Variants in ZNF560 observed in about 807,000 individuals in gnomAD.
ZNF560 encodes zinc finger protein 560.
In ZNF560, 54 loss-of-function variants were observed where a neutral mutation model predicts 81.8. The observed-to-expected ratio is 0.66, with a 90% confidence interval of 0.53 to 0.83. The LOEUF (loss-of-function observed/expected upper bound fraction) is 0.83, where lower values mean the gene tolerates loss of function less well. Among genes scored for constraint, ZNF560 ranks in the 40% least tolerant of loss-of-function variants. The probability of loss-of-function intolerance (pLI) is 0.00; values close to 1 mark genes in which losing one functional copy is unlikely to be tolerated. For missense variants in ZNF560, 940 were observed against 932.4 expected, an observed-to-expected ratio of 1.01 and a Z score of -0.11; for synonymous variants, 321 against 317.9, an observed-to-expected ratio of 1.01 and a Z score of -0.10.
At position 9,466,915 on chromosome 19, in the gene ZNF560, G is replaced by A. The variant is rs1193244912; in HGVS notation, c.2032C>T (p.His678Tyr). The A allele has an allele frequency of 3.1e-6, 5 of 1,613,972 alleles. No individual in the cohort carries two copies. In the African/African-American group the frequency reaches 4.0e-5, roughly 13 times the overall value. The change falls in exon 10 of 10, where the codon CAT (histidine) becomes TAT (tyrosine). Residue 678 changes from histidine to tyrosine, a missense_variant. His to Tyr is a moderately conservative substitution (Grantham distance 83, BLOSUM62 2). Transcript: ENST00000301480. ...SCVLTQHLKTHAAEKTSECNA... is the reference protein window; with the variant it reads ...SCVLTQHLKTYAAEKTSECNA... Reference sequence around the variant, plus strand: ...CATTCAGAGGTCTTCTCTGCTGCATGAGTTTTTAAGTGTTGAGTTAGTACA... The same window carrying A: ...CATTCAGAGGTCTTCTCTGCTGCATAAGTTTTTAAGTGTTGAGTTAGTACA...
intron 2 of ZNF560, among the ~76,000 whole-genome samples, chr19:9,479,097 G>C (rs928509460): frequency 6.6e-6 from 1 of 151,614 alleles, no homozygotes; most frequent in Non-Finnish European, 1.5e-5. Flanking sequence ...ATGGGCAGGA[G>C]AATCGCTTGA....
chr19:9,451,447 T>A, the ZNF560 span, among the ~76,000 whole-genome samples: 1 of 152,186 alleles, frequency 6.6e-6, no homozygotes, highest in African/African-American at 2.4e-5. Context: ...GATCCCTACC[T>A]TTCACCATAT....
chr19:9,455,248 G>A, the ZNF560 span, among the ~76,000 whole-genome samples: 7 of 152,122 alleles, frequency 4.6e-5, no homozygotes, highest in African/African-American at 9.7e-5. Context: ...TATGGACCAC[G>A]TTCTCCTTTC....
intron 2 of ZNF560, among the ~76,000 whole-genome samples, chr19:9,495,542 CA>C (rs35719969): frequency 6.6e-6 from 1 of 151,882 alleles, no homozygotes; most frequent in Non-Finnish European, 1.5e-5. Flanking sequence ...CGCATCTCTA[CA>C]AAAAAATACC....
At chr19:9,478,986 C>T (rs530939296) in intron 2 of ZNF560, among the ~76,000 whole-genome samples, 7 of 152,086 alleles carry the variant, frequency 4.6e-5, no homozygotes, top group African/African-American at 7.2e-5. Context: ...GCCAACATGG[C>T]GAAACCTTGC....
Position 9,473,178 on chromosome 19 carries a change from C to A in ZNF560, c.238+1G>T. The A allele has an allele frequency of 6.2e-7, 1 of 1,613,602 alleles. No homozygotes were observed. Among genetic ancestry groups the A allele is most frequent in the Non-Finnish European group, 8.5e-7 (1 of 1,179,534 alleles). ...CAAGGTTGTTCTTCACAAATACTCA[C>A]CTTGGAGAACTCCTTGCTGCAAGGT... On this transcript the variant is annotated splice_donor_variant, in intron 5 of 9. Transcript: ENST00000301480. LOFTEE classifies it high-confidence loss of function.
chr19:9,469,166 G>A lies in ZNF560; in HGVS notation c.551C>T (p.Thr184Ile). The change falls in exon 9 of 10, where the codon ACC becomes ATC. Residue 184 changes from threonine (T) to isoleucine (I), a missense_variant. Transcript: ENST00000301480. Reference sequence around the variant, plus strand: ...ATCTTGCCAAAGGGCTGGCCCTTTGGTTTTCAGGCACATTTTCCATTCTGA... The same window carrying A: ...ATCTTGCCAAAGGGCTGGCCCTTTGATTTTCAGGCACATTTTCCATTCTGA... ...VLQEWKMCLK[T>I]KGPALWQDNF... 6.3e-7 allele frequency: 1 copy of A among 1,596,166 alleles called. No homozygotes were observed.
the ZNF560 span, among the ~76,000 whole-genome samples, chr19:9,456,837 A>G: frequency 6.6e-6 from 1 of 152,200 alleles, no homozygotes; most frequent in Admixed American, 6.5e-5. Flanking sequence ...TGGGGAGCAC[A>G]AGTTCTAATT....
At position 9,471,424 on chromosome 19, in the gene ZNF560, AAG is replaced by A. The variant is rs747670294; in HGVS notation, c.239-48_239-47del. 4.3e-5 allele frequency: 56 copies of A among 1,309,980 alleles called. 1 individual carries two copies. The African/African-American group carries it at 8.1e-4, about 19-fold the overall frequency. The allele number at this position is 1,309,980 out of a possible 1,614,324, so 81.1% of individuals were successfully genotyped here. On this transcript the variant is annotated intron_variant, in intron 5 of 9. Coordinates refer to ENST00000301480, the MANE Select transcript of ZNF560 (RefSeq NM_152476.3). The stretch of plus-strand genomic sequence containing the variant: ...GAGGTTTTTTTTTTTTTTAAAAAAA[AAG>A]GTAAAATGAAAGAGTTAAAAATTAT...
At chr19:9,456,812 CATTT>C in the ZNF560 span, among the ~76,000 whole-genome samples, 1 of 152,214 alleles carries the variant, frequency 6.6e-6, no homozygotes, top group Admixed American at 6.5e-5. Context: ...TCCCCCCATA[CATTT>C]ATTACAACAA....
intron 2 of ZNF560, among the ~76,000 whole-genome samples, chr19:9,485,252 G>A (rs920591052): frequency 2.0e-5 from 3 of 152,186 alleles, no homozygotes; most frequent in Admixed American, 6.5e-5. Context: ...ATATCCCTAA[G>A]TATACAGATG....
the ZNF560 span, among the ~76,000 whole-genome samples, chr19:9,506,401 G>A: frequency 7.3e-6 from 1 of 137,184 alleles, no homozygotes; most frequent in African/African-American, 2.8e-5. Context: ...CTATACGACT[G>A]CACGCTTCTG....
At chr19:9,480,567 A>G (rs1170375409) in intron 2 of ZNF560, among the ~76,000 whole-genome samples, 3 of 152,172 alleles carry the variant, frequency 2.0e-5, no homozygotes, top group Admixed American at 6.5e-5. Context: ...ATGAAACTAA[A>G]AAAAAATCAC....
At chr19:9,447,665 C>G in the ZNF560 span, among the ~76,000 whole-genome samples, 3 of 150,082 alleles carry the variant, frequency 2.0e-5, no homozygotes, top group Admixed American at 1.3e-4. Flanking sequence ...GTCAGACAAA[C>G]ACAAAGAAAA....
At chr19:9,464,198 T>C (rs28493304), downstream of ZNF560, among the ~76,000 whole-genome samples, 7,363 of 152,280 alleles carry the variant, frequency 0.048, 615 homozygotes, top group African/African-American at 0.17. Context: ...CTAGTGATGG[T>C]GTCAAGCACA....
intron 9 of ZNF560, among the ~76,000 whole-genome samples, chr19:9,468,725 C>CTTT (rs3068756): frequency 9.8e-5 from 12 of 123,026 alleles, no homozygotes; most frequent in African/African-American, 1.2e-4. Context: ...CTGCTGATTT[C>CTTT]TTTTTTTTTT....
intron 5 of ZNF560, among the ~76,000 whole-genome samples, 196 bp downstream of exon 5, chr19:9,472,983 G>A (rs1209051800): frequency 6.6e-6 from 1 of 152,124 alleles, no homozygotes; most frequent in Non-Finnish European, 1.5e-5. Context: ...TAAGGTTTCT[G>A]AGGCTCTCAC....
intron 2 of ZNF560, among the ~76,000 whole-genome samples, chr19:9,478,647 G>T (rs2073239120): frequency 6.6e-6 from 1 of 152,126 alleles, no homozygotes; most frequent in South Asian, 2.1e-4. Context: ...AAAATAAAAT[G>T]AGGAGAGGTT....
rs764343651 is a variant in ZNF560, at chr19:9,484,289, T to TAA, written c.-56-8922_-56-8921dup. ...TGAGAAACACCCAAGAATGATCAAT[T>TAA]AAAAAAAAAAAAAAGAAACAGAAGA... On this transcript the variant is annotated intron_variant, in intron 2 of 9. Transcript: ENST00000301480. 3.7e-5 allele frequency among the ~76,000 whole-genome samples: 5 copies of TAA among 134,852 alleles called. No individual in the cohort carries two copies. The East Asian group carries it at 1.1e-3, about 28-fold the overall frequency. 88.5% of individuals were successfully genotyped at this position (134,852 alleles called of 152,430 possible).
Sources: gnomAD v4.1 joint callset for allele counts (sites outside exome capture counted in the v4.1 genomes callset) on GRCh38, gnomAD v4.1.1 for gene constraint, MANE v1.5 for transcripts, NCBI Gene and HGNC (gene_info 2026-07-23, HGNC 2026-07-21) for gene names.